Variants in INTS6 observed in about 807,000 individuals in gnomAD.
INTS6 encodes DEAD box protein.
In INTS6, 16 loss-of-function variants were observed where a neutral mutation model predicts 104.9. The ratio of observed to expected loss-of-function variants is 0.15; its 90% confidence interval spans 0.10 to 0.23. The LOEUF is 0.23. Among genes scored for constraint, INTS6 ranks in the 10% least tolerant of loss-of-function variants. The pLI is 1.00. For missense variants in INTS6, 584 were observed against 1,062.8 expected, an observed-to-expected ratio of 0.55 and a Z score of 6.26; for synonymous variants, 324 against 358.7, an observed-to-expected ratio of 0.90 and a Z score of 1.09.
intron 4 of INTS6, among the ~76,000 whole-genome samples, chr13:51,423,351 T>C (rs1055640779): frequency 6.6e-6 from 1 of 152,072 alleles, no homozygotes; most frequent in Non-Finnish European, 1.5e-5. Context: ...TGCATGTGTG[T>C]GTGTATAATG....
At position 51,374,746 on chromosome 13, in the gene INTS6, G is replaced by T; in HGVS notation, c.1780C>A (p.Leu594Ile). Reference protein sequence around the residue: ...IAQMGNYQEYLKQVPSPLREL... With the variant: ...IAQMGNYQEYIKQVPSPLREL... ...CTTAGTGGAGAAGGTACTTGCTTGA[G>T]GTATTCCTGGTAGTTCCCCATTTGT... The change falls in exon 14 of 18, where the codon CTC (leucine) becomes ATC (isoleucine). Residue 594 changes from leucine (L) to isoleucine (I), a missense_variant. This residue lies in a region of INTS6 where 296 missense variants were observed against 437.0 expected (regional missense o/e 0.68). Transcript: ENST00000311234. 6.2e-7 allele frequency: 1 copy of T among 1,613,484 alleles called. No individual in the cohort carries two copies. The highest frequency in any genetic ancestry group is 8.5e-7 in the Non-Finnish European group (1 of 1,179,894).
chr13:51,365,907 A>T, intron 17 of INTS6, 62 bp from the exon 18 acceptor site: 1 of 956,418 alleles, frequency 1.0e-6, no homozygotes, highest in Non-Finnish European at 1.5e-6. Context: ...TATCAGTATA[A>T]TTTTTTTAAG....
intron 4 of INTS6, among the ~76,000 whole-genome samples, chr13:51,425,627 G>T (rs939364461): frequency 2.0e-5 from 3 of 152,022 alleles, no homozygotes; most frequent in Non-Finnish European, 4.4e-5. Context: ...TTTCTTCTGG[G>T]CTCCTCTATT....
rs1323486803 is a variant in INTS6, at chr13:51,428,316, CTTTTTTTTTCT to C, written c.429+1967_429+1977del. Among the ~76,000 whole-genome samples the C allele has an allele frequency of 6.1e-5, 9 of 147,530 alleles. No homozygotes were observed. In the South Asian group the frequency reaches 1.9e-3, roughly 32 times the overall value. Reference sequence around the variant, plus strand: ...TTTGAGAGCTTCAAATTTAAAATGACTTTTTTTTTCTTTTTTTTTTTTTTTTGAGACGGAGT... The same window carrying C: ...TTTGAGAGCTTCAAATTTAAAATGACTTTTTTTTTTTTTTTGAGACGGAGT... On this transcript the variant is annotated intron_variant, in intron 4 of 17. Coordinates refer to ENST00000311234, the MANE Select transcript of INTS6 (RefSeq NM_012141.3).
At position 51,452,275 on chromosome 13, in the gene INTS6, G is replaced by T; in HGVS notation, c.111+140C>A. ...CCCGGCTCGCAGCGCCCGCCCGCCCGCGCGGTGGGGGAGGGGGTCCCCGAG... is the reference window on the plus strand; with the variant it reads ...CCCGGCTCGCAGCGCCCGCCCGCCCTCGCGGTGGGGGAGGGGGTCCCCGAG... On this transcript the variant is annotated intron_variant, in intron 1 of 17. Coordinates refer to ENST00000311234, the MANE Select transcript of INTS6 (RefSeq NM_012141.3). This position sits in a 1 kb window ranked among gnomAD's most constrained non-coding sequence, Gnocchi z 4.2. 1.1e-6 allele frequency: 1 copy of T among 912,484 alleles called. No individual in the cohort carries two copies. The highest frequency in any genetic ancestry group is 1.4e-6 in the Non-Finnish European group (1 of 719,444). The allele number at this position is 912,484 out of a possible 1,614,324, so 56.5% of individuals were successfully genotyped here.
chr13:51,439,262 CT>C (rs1159291038), intron 3 of INTS6: 1 of 152,054 alleles, frequency 6.6e-6, no homozygotes, highest in African/African-American at 2.4e-5. Flanking sequence ...TGGGCAAAAA[CT>C]AATAGAAGGA....
chr13:51,347,046 C>T, the INTS6 span: 1 of 1,588,332 alleles, frequency 6.3e-7, no homozygotes. Context: ...AGTGAGGGCC[C>T]TGGTGGCTGG....
chr13:51,389,167 T>G, intron 6 of INTS6, 152 bp downstream of exon 6: 1 of 688,066 alleles, frequency 1.5e-6, no homozygotes, highest in South Asian at 2.2e-5. Context: ...TACCTTGACT[T>G]TCCTATTTAA....
chr13:51,403,147 G>A (rs548662516), intron 4 of INTS6, among the ~76,000 whole-genome samples: 30 of 152,064 alleles, frequency 2.0e-4, no homozygotes, highest in Non-Finnish European at 3.2e-4. Flanking sequence ...CCAACAAACA[G>A]TAAAAAAAGA....
the INTS6 span, chr13:51,348,625 G>T: frequency 2.4e-6 from 1 of 417,552 alleles, no homozygotes; most frequent in Non-Finnish European, 4.0e-6. Flanking sequence ...AGACTGAAAT[G>T]AACTAACTTC....
chr13:51,418,672 A>T (rs967753384), intron 4 of INTS6, among the ~76,000 whole-genome samples: 3 of 152,214 alleles, frequency 2.0e-5, no homozygotes, highest in African/African-American at 7.2e-5. Context: ...TGATTAAAAA[A>T]TCAAAACTTT....
intron 4 of INTS6, among the ~76,000 whole-genome samples, chr13:51,408,787 A>G (rs1386570905): frequency 6.6e-6 from 1 of 152,224 alleles, no homozygotes; most frequent in Non-Finnish European, 1.5e-5. Flanking sequence ...AATGCTTATA[A>G]TGTGACAAGG....
intron 9 of INTS6, among the ~76,000 whole-genome samples, chr13:51,382,529 T>C (rs757321840): frequency 1.1e-4 from 16 of 152,374 alleles, no homozygotes; most frequent in Non-Finnish European, 1.9e-4. Context: ...TCAAAAATGA[T>C]AGCTAGATTG....
At chr13:51,337,390 G>A in the INTS6 span, among the ~76,000 whole-genome samples, 5 of 152,158 alleles carry the variant, frequency 3.3e-5, no homozygotes, top group Non-Finnish European at 7.3e-5. Context: ...AAAAGTGCTG[G>A]GCCTCATAGC....
chr13:51,375,980 C>T, intron 13 of INTS6, 68 bp downstream of exon 13: 2 of 1,294,916 alleles, frequency 1.5e-6, no homozygotes. Context: ...TTTACATCAC[C>T]ATGCTATGCT....
intron 3 of INTS6, chr13:51,443,493 A>C (rs1318521461): frequency 2.0e-5 from 3 of 152,192 alleles, no homozygotes; most frequent in African/African-American, 7.2e-5. Flanking sequence ...ATTTTGTTTA[A>C]AGTCTGGCAA....
chr13:51,409,262 CAAATAATAATAA>C (rs1956636453), intron 4 of INTS6, among the ~76,000 whole-genome samples: 1 of 102,512 alleles, frequency 9.8e-6, no homozygotes, highest in Non-Finnish European at 1.9e-5. Context: ...GAATCCGTCT[CAAATAATAATAA>C]TAATAATAAT....
rs147073190 is a variant in INTS6 at position 51,374,369 on chromosome 13, G to A, written c.1943C>T (p.Pro648Leu). 1.1e-5 allele frequency: 17 copies of A among 1,613,898 alleles called. No individual in the cohort carries two copies. Among genetic ancestry groups the A allele is most frequent in the African/African-American group, 2.7e-5 (2 of 74,874 alleles). Residue 648 changes from proline (P) to leucine (L), a missense_variant, in exon 15 of 18, where the codon CCA (proline) becomes CTA (leucine). Pro to Leu is a moderately conservative substitution (Grantham distance 98, BLOSUM62 -3). This residue lies in a region of INTS6 where 296 missense variants were observed against 437.0 expected (regional missense o/e 0.68). Coordinates refer to ENST00000311234, the MANE Select transcript of INTS6 (RefSeq NM_012141.3). ...TCTTTTAGGGATCCCTTGCATATTT[G>A]GTTCTCCGGGTCGTTTATGTTTATT... ...PQNKHKRPGE[P>L]NMQGIPKRRR... is the part of the protein sequence containing the mutation.
intron 3 of INTS6, chr13:51,439,542 C>A (rs1952753811): frequency 6.6e-6 from 1 of 152,072 alleles, no homozygotes; most frequent in Non-Finnish European, 1.5e-5. Context: ...CCTATTATGT[C>A]TTTTCCTACA....
Sources: gnomAD v4.1 joint callset for allele counts (sites outside exome capture counted in the v4.1 genomes callset) on GRCh38, gnomAD v4.1.1 for gene constraint, gnomAD v4.1.1 regional missense constraint, Gnocchi (gnomAD v3.1) non-coding constraint, MANE v1.5 for transcripts, NCBI Gene and HGNC (gene_info 2026-07-23, HGNC 2026-07-21) for gene names.